The following NRG1 variants were observed in gnomAD, a reference collection of about 807,000 sequenced individuals.
NRG1 encodes pro-neuregulin-1, membrane-bound isoform.
A neutral mutation model predicts 63.8 loss-of-function variants in NRG1; 18 were observed. The ratio of observed to expected loss-of-function variants is 0.28; its 90% confidence interval spans 0.19 to 0.42. The LOEUF is 0.42. NRG1 is among the 10% of genes least tolerant of loss of function. NRG1 has a pLI of 1.00. For synonymous variants in NRG1, 302 were observed against 301.3 expected (o/e 1.00, Z -0.02); for missense variants, 762 against 814.7 (o/e 0.94, Z 0.79).
chr8:31,887,642 A>G (rs1164915938), intron 1 of NRG1, among the ~76,000 whole-genome samples: 5 of 152,060 alleles, frequency 3.3e-5, no homozygotes, highest in Non-Finnish European at 7.4e-5. Flanking sequence ...AAAATGATTC[A>G]TGTCTTAGAA....
intron 1 of NRG1, among the ~76,000 whole-genome samples, chr8:32,360,865 C>A (rs1188777266): frequency 6.6e-6 from 1 of 152,158 alleles, no homozygotes; most frequent in Non-Finnish European, 1.5e-5. Flanking sequence ...GAAAACAAAG[C>A]CATAAGGCCA....
At chr8:32,386,163 G>A (rs1587276551) in intron 1 of NRG1, among the ~76,000 whole-genome samples, 1 of 152,176 alleles carries the variant, frequency 6.6e-6, no homozygotes, top group South Asian at 2.1e-4. Context: ...ATGCCGTGGT[G>A]CAGTCATGGC....
intron 1 of NRG1, among the ~76,000 whole-genome samples, chr8:32,514,224 C>T (rs910974499): frequency 7.2e-5 from 11 of 152,118 alleles, no homozygotes; most frequent in African/African-American, 2.2e-4. Context: ...GCAAATTAGA[C>T]AAACAAGAAT....
chr8:31,846,314 G>A (rs1026233032), intron 1 of NRG1, among the ~76,000 whole-genome samples: 3 of 152,178 alleles, frequency 2.0e-5, no homozygotes, highest in African/African-American at 7.2e-5. Context: ...CGAGTTGATG[G>A]ATTTCTTTTA....
chr8:32,034,592 T>C (rs1818758802), intron 1 of NRG1, among the ~76,000 whole-genome samples: 1 of 152,190 alleles, frequency 6.6e-6, no homozygotes, highest in African/African-American at 2.4e-5. Context: ...CATTATTTGG[T>C]TGGTAGGCTA....
chr8:31,784,495 T>C (rs891939297), intron 1 of NRG1, among the ~76,000 whole-genome samples: 2 of 152,224 alleles, frequency 1.3e-5, no homozygotes, highest in Non-Finnish European at 2.9e-5. Flanking sequence ...TTCTGAGAAT[T>C]TGCCGAGTTT....
chr8:32,185,342 GT>G (rs1344727787), intron 1 of NRG1, among the ~76,000 whole-genome samples: 2 of 152,048 alleles, frequency 1.3e-5, no homozygotes, highest in Non-Finnish European at 1.5e-5. Context: ...TAATATTACC[GT>G]TATTACCTCT....
intron 1 of NRG1, among the ~76,000 whole-genome samples, chr8:31,936,753 A>G (rs1394218213): frequency 6.6e-6 from 1 of 152,230 alleles, no homozygotes; most frequent in Non-Finnish European, 1.5e-5. Flanking sequence ...GAGTACAACA[A>G]GATACTCTAT....
At chr8:32,305,715 T>C (rs1856118373) in intron 1 of NRG1, among the ~76,000 whole-genome samples, 1 of 152,248 alleles carries the variant, frequency 6.6e-6, no homozygotes, top group Non-Finnish European at 1.5e-5. Context: ...AGCTTTATAG[T>C]CCTAGCACTT....
intron 1 of NRG1, among the ~76,000 whole-genome samples, chr8:32,540,325 A>G (rs1261099727): frequency 6.6e-6 from 1 of 152,224 alleles, no homozygotes; most frequent in Non-Finnish European, 1.5e-5. Flanking sequence ...TAGCACCCAT[A>G]ATAAATATAT....
intron 1 of NRG1, among the ~76,000 whole-genome samples, chr8:32,127,688 G>A (rs1383962): frequency 2.0e-5 from 3 of 151,880 alleles, no homozygotes; most frequent in African/African-American, 2.4e-5. Flanking sequence ...GCACAAATAC[G>A]TGAATTCTGA....
intron 1 of NRG1, among the ~76,000 whole-genome samples, chr8:32,227,111 G>A (rs1846403499): frequency 6.6e-6 from 1 of 152,160 alleles, no homozygotes; most frequent in Non-Finnish European, 1.5e-5. Context: ...CTTGAACTGA[G>A]CTGTTTGGAC....
At chr8:32,197,670 A>T (rs773478490) in intron 1 of NRG1, among the ~76,000 whole-genome samples, 6 of 152,194 alleles carry the variant, frequency 3.9e-5, no homozygotes, top group Non-Finnish European at 7.3e-5. Context: ...TTATTGTCCG[A>T]CTTTAAGCCA....
intron 1 of NRG1, among the ~76,000 whole-genome samples, chr8:31,736,689 CA>C (rs148962289): frequency 0.055 from 8,446 of 152,188 alleles, 765 homozygotes; most frequent in African/African-American, 0.19. Flanking sequence ...TTGAACTAGA[CA>C]ATTTCAAAAG....
At chr8:32,179,852 A>G (rs977868460) in intron 1 of NRG1, among the ~76,000 whole-genome samples, 1 of 151,976 alleles carries the variant, frequency 6.6e-6, no homozygotes, top group African/African-American at 2.4e-5. Flanking sequence ...TACTTTTTGC[A>G]TTTAATCGGA....
intron 1 of NRG1, among the ~76,000 whole-genome samples, chr8:32,534,575 AAT>A (rs1236135706): frequency 6.6e-6 from 1 of 152,150 alleles, no homozygotes; most frequent in Non-Finnish European, 1.5e-5. Context: ...AGTCTAATCA[AAT>A]ATGAGTTCTG....
chr8:32,548,546 C>T (rs750941933), exon 1 of NRG1: 2 of 1,253,960 alleles, frequency 1.6e-6, no homozygotes, highest in Middle Eastern at 4.6e-4. Flanking sequence ...GGACCGCCCG[C>T]CGCGTCCGCG....
At chr8:31,784,319 T>C (rs1819976258) in intron 1 of NRG1, among the ~76,000 whole-genome samples, 1 of 152,232 alleles carries the variant, frequency 6.6e-6, no homozygotes, top group Non-Finnish European at 1.5e-5. Flanking sequence ...TGAAACTTAT[T>C]CATATGAGCT....
At chr8:32,243,644 G>C (rs186132520) in intron 1 of NRG1, among the ~76,000 whole-genome samples, 176 of 152,192 alleles carry the variant, frequency 1.2e-3, no homozygotes, top group African/African-American at 4.0e-3. Flanking sequence ...GTATGAACCA[G>C]ACTTCATACG....
Sources: gnomAD v4.1 joint callset for allele counts (sites outside exome capture counted in the v4.1 genomes callset) on GRCh38, gnomAD v4.1.1 for gene constraint, MANE v1.5 for transcripts, NCBI Gene and HGNC (gene_info 2026-07-23, HGNC 2026-07-21) for gene names.